Variants in EPSTI1 observed in about 807,000 individuals in gnomAD.
EPSTI1 encodes the protein epithelial stromal interaction 1.
In EPSTI1, 66 loss-of-function variants were observed where a neutral mutation model predicts 49.9. That is an observed-to-expected ratio of 1.32 (90% CI 1.08 to 1.62). The LOEUF (loss-of-function observed/expected upper bound fraction) is 1.62. EPSTI1 is among the 40% of genes most tolerant of loss of function. EPSTI1 has a pLI of 0.00. For synonymous variants in EPSTI1, 137 were observed against 130.7 expected (o/e 1.05, Z -0.33); for missense variants, 394 against 365.5 (o/e 1.08, Z -0.64).
At chr13:42,899,995 G>A (rs1443417459) in intron 9 of EPSTI1, among the ~76,000 whole-genome samples, 1 of 152,108 alleles carries the variant, frequency 6.6e-6, no homozygotes, top group Non-Finnish European at 1.5e-5. Context: ...CTCAAACTAG[G>A]ATGTTTTGTC....
intron 4 of EPSTI1, 120 bp from the exon 5 acceptor site, chr13:42,963,458 AT>A: frequency 1.4e-6 from 1 of 721,130 alleles, no homozygotes; most frequent in Non-Finnish European, 2.3e-6. Context: ...CCTCACCATG[AT>A]TATAGGTTGT....
chr13:42,955,697 G>A (rs1166235740), intron 5 of EPSTI1, among the ~76,000 whole-genome samples: 2 of 152,064 alleles, frequency 1.3e-5, no homozygotes, highest in Non-Finnish European at 2.9e-5. Context: ...AGCTACTCGG[G>A]AGGCTGAGGT....
intron 1 of EPSTI1, among the ~76,000 whole-genome samples, chr13:42,973,368 C>G (rs915373018): frequency 6.6e-6 from 1 of 152,120 alleles, no homozygotes; most frequent in African/African-American, 2.4e-5. Context: ...TAAACCCAGG[C>G]AGTGGTCCCA....
chr13:42,932,316 G>A (rs1174091675), intron 6 of EPSTI1, among the ~76,000 whole-genome samples: 1 of 152,114 alleles, frequency 6.6e-6, no homozygotes, highest in East Asian at 1.9e-4. Flanking sequence ...TTATGAAAGT[G>A]GCAATTCAGA....
At chr13:42,974,888 C>A (rs945193097) in intron 1 of EPSTI1, among the ~76,000 whole-genome samples, 1 of 152,076 alleles carries the variant, frequency 6.6e-6, no homozygotes, top group Non-Finnish European at 1.5e-5. Context: ...AGGAGCAACA[C>A]TGGTTTGACA....
chr13:42,962,786 AAAAG>A (rs1277378830), intron 5 of EPSTI1, among the ~76,000 whole-genome samples: 2 of 152,184 alleles, frequency 1.3e-5, no homozygotes, highest in Admixed American at 6.5e-5. Flanking sequence ...TCTCAAAAAA[AAAAG>A]AAAGGAAACA....
chr13:42,906,317 A>C (rs1189679080), intron 8 of EPSTI1, among the ~76,000 whole-genome samples: 1 of 152,324 alleles, frequency 6.6e-6, no homozygotes, highest in South Asian at 2.1e-4. Context: ...GAAATGTGAC[A>C]AGGTTAGAGG....
At chr13:42,975,816 C>CAA (rs34037470) in intron 1 of EPSTI1, among the ~76,000 whole-genome samples, 3 of 151,090 alleles carry the variant, frequency 2.0e-5, no homozygotes, top group Admixed American at 6.6e-5. Context: ...AAAAGCCACA[C>CAA]AAAAAAAAGT....
chr13:42,975,476 C>G (rs1033829573), intron 1 of EPSTI1, among the ~76,000 whole-genome samples: 2 of 152,140 alleles, frequency 1.3e-5, no homozygotes, highest in Non-Finnish European at 2.9e-5. Flanking sequence ...TGTTAGACGG[C>G]TGAATACAGA....
chr13:42,956,692 C>CA (rs1162938611), intron 5 of EPSTI1, among the ~76,000 whole-genome samples: 1 of 152,188 alleles, frequency 6.6e-6, no homozygotes, highest in African/African-American at 2.4e-5. Context: ...TGCACAAAGG[C>CA]AACCATGGGC....
intron 9 of EPSTI1, among the ~76,000 whole-genome samples, chr13:42,897,750 C>T (rs2037236114): frequency 6.6e-6 from 1 of 152,194 alleles, no homozygotes; most frequent in Non-Finnish European, 1.5e-5. Flanking sequence ...TGCCTATGTC[C>T]ACAGCAGTGT....
At chr13:42,981,183 A>ATATAGAATAGACCC (rs1451906275) in intron 1 of EPSTI1, among the ~76,000 whole-genome samples, 2 of 152,212 alleles carry the variant, frequency 1.3e-5, no homozygotes, top group East Asian at 3.8e-4. Flanking sequence ...CGATTCTCTG[A>ATATAGAATAGACCC]TATAGAATAG....
In EPSTI1 at chr13:42,951,325, T is replaced by C. The variant is rs529149402; in HGVS notation, c.563+2623A>G. Among the ~76,000 whole-genome samples the C allele has an allele frequency of 6.6e-5, 10 of 152,370 alleles. No homozygotes were observed. In the East Asian group the frequency reaches 1.9e-3, roughly 29 times the overall value. ...GCTTATTTCATGAGTTATTGGTCTT[T>C]TAATTTCAAAAGTAATTCAAAACAT... On this transcript the variant is annotated intron_variant, in intron 6 of 10. Coordinates refer to ENST00000313624, the MANE Select transcript of EPSTI1 (RefSeq NM_033255.5).
intron 8 of EPSTI1, among the ~76,000 whole-genome samples, chr13:42,907,516 T>G (rs947123820): frequency 2.6e-5 from 4 of 152,218 alleles, no homozygotes; most frequent in Non-Finnish European, 4.4e-5. Context: ...TTTTTACTTT[T>G]AGGAAACTCT....
Position 42,890,337 on chromosome 13 carries a change from A to G in EPSTI1, c.916-1835T>C, listed in dbSNP as rs191741301. ...TTTTGAGAAAGAGTCTCGCTCTGTCACCCAGGCTGGACTGTGGTGGCGCAA... is the reference window on the plus strand; with the variant it reads ...TTTTGAGAAAGAGTCTCGCTCTGTCGCCCAGGCTGGACTGTGGTGGCGCAA... On this transcript the variant is annotated intron_variant, in intron 10 of 10. Transcript: ENST00000313624. Among the ~76,000 whole-genome samples the G allele has an allele frequency of 1.8e-3, 234 of 130,926 alleles. 2 individuals are homozygous for G. The highest frequency in any genetic ancestry group is 6.3e-3 in the African/African-American group (213 of 33,744). 85.9% of individuals were successfully genotyped at this position (130,926 alleles called of 152,430 possible).
intron 8 of EPSTI1, among the ~76,000 whole-genome samples, chr13:42,909,989 T>C (rs180712571): frequency 1.3e-5 from 2 of 152,316 alleles, no homozygotes; most frequent in East Asian, 3.8e-4. Flanking sequence ...AGGTAATGCA[T>C]TTGTTAATTA....
intron 1 of EPSTI1, among the ~76,000 whole-genome samples, chr13:42,987,932 GTC>G (rs1489647456): frequency 2.0e-5 from 3 of 152,090 alleles, no homozygotes; most frequent in Non-Finnish European, 4.4e-5. Context: ...TCATGTTGAA[GTC>G]TCTACAATAC....
intron 5 of EPSTI1, among the ~76,000 whole-genome samples, chr13:42,955,205 G>C (rs906116472): frequency 4.6e-5 from 7 of 152,146 alleles, no homozygotes; most frequent in African/African-American, 1.7e-4. Flanking sequence ...TTCTAGTCTA[G>C]GAAAAAATCC....
Position 42,922,099 on chromosome 13 carries a change from A to G in EPSTI1, c.657+4237T>C, listed in dbSNP as rs1006378. ...AAACGTGTATATAGTCATAATAGGGAAAGCTCAAATTACTGAATAATTATA... is the reference window on the plus strand; with the variant it reads ...AAACGTGTATATAGTCATAATAGGGGAAGCTCAAATTACTGAATAATTATA... On this transcript the variant is annotated intron_variant, in intron 7 of 10. Transcript: ENST00000313624. This position sits in a 1 kb window ranked among gnomAD's most constrained non-coding sequence, Gnocchi z 4.8. Among the ~76,000 whole-genome samples the G allele has an allele frequency of 0.61, 93,434 of 152,062 alleles. 30,822 individuals are homozygous for G. The highest frequency in any genetic ancestry group is 0.77 in the Middle Eastern group (227 of 294).
Sources: allele counts gnomAD v4.1 joint callset (sites outside exome capture counted in the v4.1 genomes callset), GRCh38; gene constraint gnomAD v4.1.1; non-coding constraint Gnocchi (gnomAD v3.1); transcripts MANE v1.5; gene names NCBI Gene and HGNC (gene_info 2026-07-23, HGNC 2026-07-21).